Variants in IKBKE observed in about 807,000 individuals in gnomAD.
IKBKE encodes inhibitor of nuclear factor kappa-B kinase subunit epsilon.
In IKBKE, 45 loss-of-function variants were observed where a neutral mutation model predicts 92.1. That is an observed-to-expected ratio of 0.49 (90% confidence interval 0.38 to 0.63). The LOEUF (loss-of-function observed/expected upper bound fraction) is 0.63, where lower values mean the gene tolerates loss of function less well. Ranked by LOEUF, IKBKE falls within the 20% of genes least tolerant of loss-of-function variation. IKBKE has a pLI of 0.00. For synonymous variants in IKBKE, 374 were observed against 380.3 expected, an observed-to-expected ratio of 0.98 and a Z score of 0.19; for missense variants, 700 against 932.8, an observed-to-expected ratio of 0.75 and a Z score of 3.25.
chr1:206,475,009 G>A lies in IKBKE; in HGVS notation c.358+15G>A, dbSNP rs2103451469. On this transcript the variant is annotated intron_variant, in intron 5 of 21. Transcript: ENST00000581977. ...GCGCTGTGTGGGTGAGCCCCTCCCT[G>A]TCCCTGCCTCCACCCTCAGACCAGC... 6.2e-7 allele frequency: 1 copy of A among 1,613,326 alleles called. No homozygotes were observed. Among genetic ancestry groups the A allele is most frequent in the Non-Finnish European group, 8.5e-7 (1 of 1,179,784 alleles).
chr1:206,477,844 C>T lies in IKBKE; in HGVS notation c.797C>T (p.Thr266Ile). The T allele has an allele frequency of 2.6e-6, 4 of 1,552,966 alleles. No homozygotes were observed. The South Asian group carries it at 4.7e-5, about 18-fold the overall frequency. Residue 266 changes from threonine to isoleucine, a missense_variant, in exon 8 of 22, where the codon ACC (threonine) becomes ATC (isoleucine). Coordinates refer to ENST00000581977, the MANE Select transcript of IKBKE (RefSeq NM_014002.4). The stretch of plus-strand genomic sequence containing the variant: ...GAGTGGAGCTACACCCTCCCCATCA[C>T]CTGCCAGCTGTCACTGTGAGTGGGA... The part of the protein sequence containing the change: ...PLEWSYTLPI[T>I]CQLSLGLQSQ...
rs1403023359 is a variant in IKBKE, at chr1:206,491,684, G to A, written c.1770G>A (p.Gln590=). The part of the protein sequence containing the change: ...NFSHLAKRLL[Q]VFQEECVQKY... ...GTCATTTAGCCAAAAGACTCCTGCA[G>A]GTGTTCCAGGAGGAGTGCGTGCAGA... Residue 590 remains glutamine, a synonymous_variant, in exon 18 of 22, where the codon CAG becomes CAA. Transcript: ENST00000581977. 9 of 1,613,540 alleles carry A rather than the reference G, an allele frequency of 5.6e-6. No individual in the cohort carries two copies. The highest frequency in any genetic ancestry group is 7.6e-6 in the Non-Finnish European group (9 of 1,179,712).
chr1:206,477,717 G>A (rs967184371), intron 7 of IKBKE, 32 bp from the exon 8 acceptor site: 11 of 1,348,660 alleles, frequency 8.2e-6, no homozygotes, highest in Non-Finnish European at 1.1e-5. Flanking sequence ...TGATAGCTGG[G>A]GATCCCGCTG....
chr1:206,495,470 C>T (rs1203511389), intron 21 of IKBKE, among the ~76,000 whole-genome samples: 1 of 152,120 alleles, frequency 6.6e-6, no homozygotes, highest in Admixed American at 6.5e-5. Context: ...GAATTGGGGC[C>T]AGGAGGTAGG....
rs782001154 is a variant in IKBKE, at chr1:206,474,852, G to C, written c.229-13G>C. On this transcript the variant is annotated splice_polypyrimidine_tract_variant and intron_variant, in intron 4 of 21. Coordinates refer to ENST00000581977, the MANE Select transcript of IKBKE (RefSeq NM_014002.4). The stretch of plus-strand genomic sequence containing the variant: ...GTGCCGTCCTCATGAGCCCCTCTCT[G>C]TCCCACCCATAGGGCGGAAGCCGGC... The C allele has an allele frequency of 4.3e-6, 7 of 1,613,350 alleles. No homozygotes were observed. The African/African-American group carries it at 9.3e-5, about 22-fold the overall frequency.
chr1:206,484,609 C>T (rs1169854783), intron 13 of IKBKE, among the ~76,000 whole-genome samples: 1 of 152,150 alleles, frequency 6.6e-6, no homozygotes, highest in Non-Finnish European at 1.5e-5. Flanking sequence ...TATAGCTTTT[C>T]CCTCATCAGA....
At position 206,485,337 on chromosome 1, in the gene IKBKE, G is replaced by T. The variant is rs2103472942; in HGVS notation, c.1616+31G>T. Reference sequence around the variant, plus strand: ...TGGGATTTTCCTTCTTTGTGGGGTGGGAGTGGGGGAGTGGGCAGCTCCAAA... The same window carrying T: ...TGGGATTTTCCTTCTTTGTGGGGTGTGAGTGGGGGAGTGGGCAGCTCCAAA... On this transcript the variant is annotated intron_variant, in intron 15 of 21. Transcript: ENST00000581977. The surrounding 1 kb of genome is among the most constrained non-coding windows in gnomAD (Gnocchi z 5.0). 1 of 1,260,366 alleles carries T rather than the reference G, an allele frequency of 7.9e-7. No homozygotes were observed. The highest frequency in any genetic ancestry group is 1.2e-6 in the Non-Finnish European group (1 of 858,386). 78.1% of individuals were successfully genotyped at this position (1,260,366 alleles called of 1,614,324 possible). A position where few individuals can be genotyped will look rare whatever the true frequency, so the allele number is the denominator to read the frequency against.
At chr1:206,479,443 T>G (rs1465343032) in intron 10 of IKBKE, among the ~76,000 whole-genome samples, 2 of 152,186 alleles carry the variant, frequency 1.3e-5, no homozygotes. Context: ...TCAGGCAGTT[T>G]GTGTTGGAAG....
intron 13 of IKBKE, 122 bp downstream of exon 13, chr1:206,480,655 C>T: frequency 2.6e-6 from 2 of 757,174 alleles, no homozygotes; most frequent in Non-Finnish European, 4.5e-6. Flanking sequence ...TCCCTGCCCT[C>T]CTAGAATAGA....
intron 13 of IKBKE, among the ~76,000 whole-genome samples, chr1:206,484,095 T>TTTGTATTGTATTGTATTGTA (rs56098571): frequency 0.019 from 2,357 of 122,104 alleles, 55 homozygotes; most frequent in Non-Finnish European, 0.026. Flanking sequence ...TGGCTTTTAT[T>TTTGTATTGTATTGTATTGTA]TTGTATTGTA....
chr1:206,474,442 A>G lies in IKBKE; in HGVS notation c.199A>G (p.Ile67Val), dbSNP rs56278223. ...CCTGCGGAAGCTGAACCACCAGAAC[A>G]TTGTCAAGCTCTTTGCGGTGGAGGA... is the stretch of plus-strand genomic sequence containing the variant. Reference protein sequence around the residue: ...EVLRKLNHQNIVKLFAVEETG... With the variant: ...EVLRKLNHQNVVKLFAVEETG... Residue 67 changes from isoleucine to valine, a missense_variant, in exon 4 of 22, where the codon ATT becomes GTT. Coordinates refer to ENST00000581977, the MANE Select transcript of IKBKE (RefSeq NM_014002.4). 6.2e-6 allele frequency: 10 copies of G among 1,614,026 alleles called. No individual in the cohort carries two copies. In the East Asian group the frequency reaches 1.8e-4, roughly 29 times the overall value.
chr1:206,492,572 CCT>C (rs1666006079), intron 18 of IKBKE: 1 of 471,970 alleles, frequency 2.1e-6, no homozygotes, highest in African/African-American at 2.0e-5. Flanking sequence ...ACCTCCAACC[CCT>C]GATTTAACAG....
At position 206,478,360 on chromosome 1, in the gene IKBKE, G is replaced by A; in HGVS notation, c.992+21G>A. The stretch of plus-strand genomic sequence containing the variant: ...AACACGTAAGTGGGGGCGAGGGAGG[G>A]AAGCGGTGAGAACCTTCTCTACCCA... On this transcript the variant is annotated intron_variant, in intron 9 of 21. Transcript: ENST00000581977. The surrounding 1 kb of genome is among the most constrained non-coding windows in gnomAD (Gnocchi z 4.8). The A allele has an allele frequency of 6.2e-7, 1 of 1,606,980 alleles. No homozygotes were observed. Among genetic ancestry groups the A allele is most frequent in the Non-Finnish European group, 8.5e-7 (1 of 1,178,772 alleles).
At position 206,496,389 on chromosome 1, in the gene IKBKE, G is replaced by A. The variant is rs1431093613; in HGVS notation, c.*244G>A. 9.3e-6 allele frequency: 5 copies of A among 537,710 alleles called. No homozygotes were observed. The highest frequency in any genetic ancestry group is 1.7e-5 in the Non-Finnish European group (5 of 299,596). 33.3% of individuals were successfully genotyped at this position (537,710 alleles called of 1,614,324 possible). The stretch of plus-strand genomic sequence containing the variant: ...CACAGGAAAGAGTGTGGCAGCAACT[G>A]CCTGGCTGACCTTTCTATCTTCTCT... On this transcript the variant is annotated 3_prime_UTR_variant, in exon 22 of 22. Transcript: ENST00000581977.
Position 206,493,002 on chromosome 1 carries a change from GTC to G in IKBKE, c.1836-17_1836-16del. On this transcript the variant is annotated intron_variant, in intron 18 of 21. Coordinates refer to ENST00000581977, the MANE Select transcript of IKBKE (RefSeq NM_014002.4). ...GGGCTGAGTCCTGCTCTAATTCTAA[GTC>G]TCTGTGTGTTCTCTTGAGGGTGGTG... 1 of 1,553,328 alleles carries G rather than the reference GTC, an allele frequency of 6.4e-7. No homozygotes were observed. The highest frequency in any genetic ancestry group is 8.7e-7 in the Non-Finnish European group (1 of 1,146,844).
At position 206,477,821 on chromosome 1, in the gene IKBKE, G is replaced by A. The variant is rs1253086975; in HGVS notation, c.774G>A (p.Glu258=). ...AGAGGCGGGAGAACGGGCCCCTGGA[G>A]TGGAGCTACACCCTCCCCATCACCT... ...GAQRRENGPL[E]WSYTLPITCQ... is the part of the protein sequence containing the mutation. Residue 258 remains glutamate, a synonymous_variant, in exon 8 of 22, where the codon GAG becomes GAA. Transcript: ENST00000581977. 4.5e-6 allele frequency: 7 copies of A among 1,558,968 alleles called. No homozygotes were observed. Among genetic ancestry groups the A allele is most frequent in the Admixed American group, 1.9e-5 (1 of 52,210 alleles).
chr1:206,482,410 C>T (rs1665448119), intron 13 of IKBKE, among the ~76,000 whole-genome samples: 1 of 152,224 alleles, frequency 6.6e-6, no homozygotes, highest in Non-Finnish European at 1.5e-5. Flanking sequence ...TGTCTGCCCA[C>T]TTGCCCTGGA....
intron 13 of IKBKE, among the ~76,000 whole-genome samples, 158 bp from the exon 14 acceptor site, chr1:206,484,839 G>A (rs1016560706): frequency 5.3e-5 from 8 of 152,132 alleles, no homozygotes; most frequent in Admixed American, 3.3e-4. Flanking sequence ...CGTCAGGATG[G>A]CGCCTCTGTC....
Position 206,485,743 on chromosome 1 carries a change from A to C in IKBKE, c.1616+437A>C, listed in dbSNP as rs1406481316. The stretch of plus-strand genomic sequence containing the variant: ...AACTTACCCTGAGTCACAGCCAGTA[A>C]ATGACAAATGACAGAGGTGGCTTCA... On this transcript the variant is annotated intron_variant, in intron 15 of 21. Coordinates refer to ENST00000581977, the MANE Select transcript of IKBKE (RefSeq NM_014002.4). This position sits in a 1 kb window ranked among gnomAD's most constrained non-coding sequence, Gnocchi z 5.0. 6.6e-6 allele frequency among the ~76,000 whole-genome samples: 1 copy of C among 152,212 alleles called. No homozygotes were observed. Among genetic ancestry groups the C allele is most frequent in the Admixed American group, 6.5e-5 (1 of 15,288 alleles).
Sources: allele counts gnomAD v4.1 joint callset (sites outside exome capture counted in the v4.1 genomes callset), GRCh38; gene constraint gnomAD v4.1.1; non-coding constraint Gnocchi (gnomAD v3.1); transcripts MANE v1.5; gene names NCBI Gene and HGNC (gene_info 2026-07-23, HGNC 2026-07-21).